MEF2C: variants seen among roughly 807,000 people sequenced by gnomAD.
MEF2C encodes the protein myocyte enhancer factor 2C, also known as myocyte-specific enhancer factor 2C.
MEF2C carries 6 observed loss-of-function variants against 50.5 expected under a neutral mutation model. The observed-to-expected ratio is 0.12, with a 90% CI of 0.07 to 0.23. The LOEUF (loss-of-function observed/expected upper bound fraction) is 0.23, where lower values mean the gene tolerates loss of function less well. Among genes scored for constraint, MEF2C ranks in the 10% least tolerant of loss-of-function variants. The pLI is 1.00. For synonymous variants in MEF2C, 183 were observed against 228.0 expected (o/e 0.80, Z 1.78); for missense variants, 276 against 605.0 (o/e 0.46, Z 5.70).
intron 3 of MEF2C, among the ~76,000 whole-genome samples, chr5:88,797,711 C>T (rs778030586): frequency 3.3e-5 from 5 of 151,784 alleles, no homozygotes; most frequent in Non-Finnish European, 7.4e-5. Context: ...TTATTTTGCC[C>T]GTTAGTTGAT....
At chr5:88,733,678 G>T (rs1474525001) in intron 6 of MEF2C, 1 of 985,090 alleles carries the variant, frequency 1.0e-6, no homozygotes. Context: ...TCATTTACCT[G>T]TCTCATTTTA....
rs796528868 is a variant in MEF2C at position 88,799,913 on chromosome 5, C to G, written c.258+4685G>C. 6.7e-3 allele frequency among the ~76,000 whole-genome samples: 426 copies of G among 63,668 alleles called. 2 individuals are homozygous for G. Among genetic ancestry groups the G allele is most frequent in the East Asian group, 8.1e-3 (17 of 2,098 alleles). 41.8% of individuals were successfully genotyped at this position (63,668 alleles called of 152,430 possible). Reference sequence around the variant, plus strand: ...ACACACACACACACACACACACACACAGAGAGAGAGACACACATGTTCTTC... The same window carrying G: ...ACACACACACACACACACACACACAGAGAGAGAGAGACACACATGTTCTTC... On this transcript the variant is annotated intron_variant, in intron 3 of 10. Coordinates refer to ENST00000504921, the MANE Select transcript of MEF2C (RefSeq NM_002397.5).
intron 1 of MEF2C, among the ~76,000 whole-genome samples, chr5:88,849,074 C>T (rs1820335344): frequency 6.7e-6 from 1 of 149,392 alleles, no homozygotes; most frequent in African/African-American, 2.5e-5. Context: ...TCGCTTGAAC[C>T]CGGGAGGCAG....
intron 1 of MEF2C, among the ~76,000 whole-genome samples, chr5:88,865,860 T>C (rs1170821128): frequency 1.3e-5 from 2 of 152,100 alleles, no homozygotes; most frequent in Admixed American, 6.5e-5. Flanking sequence ...AAATAACACA[T>C]TGAATCCCCA....
At chr5:88,784,308 C>T (rs1322499010) in intron 3 of MEF2C, among the ~76,000 whole-genome samples, 2 of 152,144 alleles carry the variant, frequency 1.3e-5, no homozygotes, top group Admixed American at 1.3e-4. Context: ...AGGATGGATG[C>T]AAATTTTATA....
chr5:88,829,054 C>T (rs1346935872), intron 1 of MEF2C, among the ~76,000 whole-genome samples: 1 of 151,910 alleles, frequency 6.6e-6, no homozygotes, highest in African/African-American at 2.4e-5. Flanking sequence ...TACCATCATG[C>T]CATATGCCAA....
intron 6 of MEF2C, among the ~76,000 whole-genome samples, chr5:88,746,907 T>C (rs915618618): frequency 3.3e-5 from 5 of 152,244 alleles, no homozygotes; most frequent in Admixed American, 1.3e-4. Context: ...CTGTGAAAAC[T>C]ACATGCTCGT....
At chr5:88,799,870 TCACACA>T (rs60340884) in intron 3 of MEF2C, among the ~76,000 whole-genome samples, 4,935 of 107,406 alleles carry the variant, frequency 0.046, 142 homozygotes, top group African/African-American at 0.083. Context: ...TCTCTCTCTC[TCACACA>T]CACACACACA....
intron 1 of MEF2C, among the ~76,000 whole-genome samples, chr5:88,856,598 C>T (rs898449923): frequency 1.3e-5 from 2 of 152,242 alleles, no homozygotes; most frequent in African/African-American, 4.8e-5. Context: ...AGGCCCAAGA[C>T]CTTGCTGCTC....
chr5:88,768,935 G>A (rs1047456308), intron 3 of MEF2C, among the ~76,000 whole-genome samples: 5 of 152,070 alleles, frequency 3.3e-5, no homozygotes, highest in African/African-American at 9.7e-5. Context: ...ATTATTGAAC[G>A]CTTAAAATTT....
intron 3 of MEF2C, among the ~76,000 whole-genome samples, chr5:88,784,559 A>T (rs1024511002): frequency 6.6e-6 from 1 of 152,214 alleles, no homozygotes; most frequent in Non-Finnish European, 1.5e-5. Flanking sequence ...ACCATAGCTC[A>T]TATCACTATT....
chr5:88,729,550 A>G (rs1213468439), intron 8 of MEF2C: 1 of 548,434 alleles, frequency 1.8e-6, no homozygotes, highest in Non-Finnish European at 3.2e-6. Flanking sequence ...GTAACCCATT[A>G]CATCAGTATC....
At chr5:88,805,296 G>A (rs925836862) in intron 2 of MEF2C, among the ~76,000 whole-genome samples, 2 of 152,128 alleles carry the variant, frequency 1.3e-5, no homozygotes, top group African/African-American at 4.8e-5. Context: ...GATCTCAGAC[G>A]ATGTTGTATT....
At chr5:88,826,670 A>G (rs1012905533) in intron 1 of MEF2C, among the ~76,000 whole-genome samples, 1 of 152,000 alleles carries the variant, frequency 6.6e-6, no homozygotes, top group Non-Finnish European at 1.5e-5. Context: ...AGGCCTAGAG[A>G]GGCGAAGAAA....
At chr5:88,824,007 CA>C in intron 1 of MEF2C, 77 bp from the exon 2 acceptor site, 1 of 1,247,282 alleles carries the variant, frequency 8.0e-7, no homozygotes, top group Non-Finnish European at 1.0e-6. Context: ...CTAATTTTAT[CA>C]AGGAAATAAA....
intron 1 of MEF2C, chr5:88,827,250 C>G (rs1811283675): frequency 6.6e-6 from 1 of 152,176 alleles, no homozygotes; most frequent in Non-Finnish European, 1.5e-5. Context: ...CTCCCTCACT[C>G]TTTCTTGCCC....
intron 1 of MEF2C, among the ~76,000 whole-genome samples, chr5:88,861,434 T>C (rs1825474399): frequency 6.6e-6 from 1 of 152,154 alleles, no homozygotes; most frequent in Non-Finnish European, 1.5e-5. Context: ...GCAACACAGG[T>C]ATGTTGTTGC....
At chr5:88,891,872 A>G (rs951102891) in intron 1 of MEF2C, among the ~76,000 whole-genome samples, 3 of 152,016 alleles carry the variant, frequency 2.0e-5, no homozygotes, top group Non-Finnish European at 4.4e-5. Context: ...TGTATTCTAT[A>G]TATCTTATTG....
intron 3 of MEF2C, among the ~76,000 whole-genome samples, chr5:88,796,964 T>C (rs192670332): frequency 6.6e-6 from 1 of 152,358 alleles, no homozygotes; most frequent in East Asian, 1.9e-4. Context: ...TGAGTTCTAA[T>C]TTGATTGCAT....
Sources: gnomAD v4.1 joint callset for allele counts (sites outside exome capture counted in the v4.1 genomes callset) on GRCh38, gnomAD v4.1.1 for gene constraint, MANE v1.5 for transcripts, NCBI Gene and HGNC (gene_info 2026-07-23, HGNC 2026-07-21) for gene names.